The following HYDIN variants were observed in gnomAD, a reference collection of about 807,000 sequenced individuals.
HYDIN encodes axonemal central pair apparatus protein HYDIN.
In HYDIN, 132 loss-of-function variants were observed where a neutral mutation model predicts 403.9. The ratio of observed to expected loss-of-function variants is 0.33; its 90% CI spans 0.28 to 0.38. The LOEUF is 0.38. Among genes scored for constraint, HYDIN ranks in the 10% least tolerant of loss-of-function variants. The pLI is 1.00. For missense variants in HYDIN, 2,827 were observed against 5,009.5 expected (o/e 0.56, Z 13.15); for synonymous variants, 1,202 against 1,891.7 (o/e 0.64, Z 9.46).
chr16:70,949,255 C>G (rs1246599563), intron 41 of HYDIN, among the ~76,000 whole-genome samples: 3 of 133,066 alleles, frequency 2.3e-5, no homozygotes, highest in Non-Finnish European at 3.0e-5. Flanking sequence ...GGGAATTGAA[C>G]AATGAAAACA....
At chr16:70,957,383 A>G (rs2078277765) in intron 39 of HYDIN, among the ~76,000 whole-genome samples, 2 of 150,378 alleles carry the variant, frequency 1.3e-5, no homozygotes, top group Admixed American at 6.6e-5. Context: ...CTGGAGTGCA[A>G]TGGCACGATC....
At chr16:71,090,726 A>T (rs1199511053) in intron 11 of HYDIN, among the ~76,000 whole-genome samples, 1 of 151,594 alleles carries the variant, frequency 6.6e-6, no homozygotes, top group Non-Finnish European at 1.5e-5. Flanking sequence ...GCTGGTCTTG[A>T]ACTCCTGGGC....
intron 10 of HYDIN, among the ~76,000 whole-genome samples, chr16:71,106,268 C>T (rs1401448858): frequency 6.6e-6 from 1 of 151,950 alleles, no homozygotes; most frequent in Non-Finnish European, 1.5e-5. Flanking sequence ...TCACATAATG[C>T]TTCTTCATGT....
At chr16:70,948,357 GA>G (rs992460583) in intron 41 of HYDIN, among the ~76,000 whole-genome samples, 4 of 151,964 alleles carry the variant, frequency 2.6e-5, no homozygotes, top group African/African-American at 9.7e-5. Flanking sequence ...AACAACCCTA[GA>G]AAAAAACCTA....
intron 72 of HYDIN, 131 bp downstream of exon 72, chr16:70,857,574 T>G: frequency 4.1e-6 from 5 of 1,233,158 alleles, no homozygotes; most frequent in Non-Finnish European, 4.4e-6. Flanking sequence ...TTTTAAAAAC[T>G]GATTGAGACC....
chr16:71,218,693 C>G (rs959502147), intron 1 of HYDIN, among the ~76,000 whole-genome samples: 10 of 152,176 alleles, frequency 6.6e-5, no homozygotes, highest in Admixed American at 2.0e-4. Flanking sequence ...GACAACCCAC[C>G]ATTTTTTACA....
intron 67 of HYDIN, 135 bp from the exon 68 acceptor site, chr16:70,863,317 T>C: frequency 1.3e-6 from 1 of 752,790 alleles, no homozygotes; most frequent in Non-Finnish European, 1.9e-6. Flanking sequence ...AAAAGGCACA[T>C]TTTAAGTAAT....
chr16:70,883,091 A>T (rs1597214301), intron 59 of HYDIN, among the ~76,000 whole-genome samples, 196 bp from the exon 60 acceptor site: 1 of 152,088 alleles, frequency 6.6e-6, no homozygotes, highest in East Asian at 1.9e-4. Flanking sequence ...TGGTTGCCAC[A>T]CTCCAGTGAG....
chr16:71,206,620 C>A (rs1377572974), intron 1 of HYDIN, among the ~76,000 whole-genome samples: 1 of 152,096 alleles, frequency 6.6e-6, no homozygotes, highest in Non-Finnish European at 1.5e-5. Context: ...TGGATAGAAA[C>A]TAAGATCATC....
chr16:70,947,854 T>C lies in HYDIN; in HGVS notation c.6532-3905A>G, dbSNP rs1026580671. 4.0e-4 allele frequency among the ~76,000 whole-genome samples: 60 copies of C among 150,978 alleles called. 1 individual carries two copies. The highest frequency in any genetic ancestry group is 1.3e-3 in the African/African-American group (55 of 41,200). ...ATTCCATGCTCATGGGTAGGAAGAA[T>C]CAATATCGTGAAAATGGCCATACTG... On this transcript the variant is annotated intron_variant, in intron 41 of 85. Coordinates refer to ENST00000393567, the MANE Select transcript of HYDIN (RefSeq NM_001270974.2).
chr16:70,945,454 T>C (rs76906484), intron 41 of HYDIN, among the ~76,000 whole-genome samples: 181 of 152,308 alleles, frequency 1.2e-3, no homozygotes, highest in Non-Finnish European at 2.2e-3. Context: ...TACATGAACC[T>C]GCACTCGGGA....
At chr16:71,028,774 T>C (rs926089795) in intron 19 of HYDIN, among the ~76,000 whole-genome samples, 2 of 152,228 alleles carry the variant, frequency 1.3e-5, no homozygotes, top group Non-Finnish European at 2.9e-5. Flanking sequence ...TAACCATTTC[T>C]AGCTACATAT....
chr16:70,849,992 T>C, intron 74 of HYDIN, 45 bp from the exon 75 acceptor site: 1 of 592,362 alleles, frequency 1.7e-6, no homozygotes, highest in Non-Finnish European at 3.0e-6. Context: ...CATAGTTCCC[T>C]TGTCTGGGGT....
intron 83 of HYDIN, 37 bp from the exon 84 acceptor site, chr16:70,818,609 A>G (rs1309778065): frequency 4.2e-6 from 3 of 719,084 alleles, no homozygotes; most frequent in Admixed American, 2.1e-5. Context: ...AGGAGGGAAG[A>G]GTAGGGGTGA....
chr16:70,868,944 G>A (rs2039942620), intron 65 of HYDIN, among the ~76,000 whole-genome samples, 156 bp from the exon 66 acceptor site: 1 of 132,740 alleles, frequency 7.5e-6, no homozygotes, highest in South Asian at 2.9e-4. Context: ...ATGTACATGA[G>A]GATCTTAGGT....
chr16:71,175,049 C>T (rs1838609119), intron 5 of HYDIN, among the ~76,000 whole-genome samples: 1 of 147,954 alleles, frequency 6.8e-6, no homozygotes, highest in South Asian at 2.2e-4. Context: ...CCATCAATGA[C>T]AGCACCACCA....
intron 10 of HYDIN, among the ~76,000 whole-genome samples, chr16:71,099,900 G>T (rs547856238): frequency 6.6e-6 from 1 of 152,264 alleles, no homozygotes; most frequent in South Asian, 2.1e-4. Context: ...CTATTTGGGA[G>T]GCTGAGGCAA....
intron 41 of HYDIN, among the ~76,000 whole-genome samples, chr16:70,944,842 T>C (rs1330928697): frequency 6.6e-6 from 1 of 152,208 alleles, no homozygotes; most frequent in African/African-American, 2.4e-5. Flanking sequence ...AACCTCCGCC[T>C]CTCGGGTTTA....
intron 27 of HYDIN, among the ~76,000 whole-genome samples, chr16:70,986,197 T>C (rs1471238276): frequency 1.4e-5 from 2 of 141,402 alleles, no homozygotes; most frequent in African/African-American, 5.3e-5. Flanking sequence ...GTTTAGAATG[T>C]TCTAGAATGA....
Sources: allele counts gnomAD v4.1 joint callset (sites outside exome capture counted in the v4.1 genomes callset), GRCh38; gene constraint gnomAD v4.1.1; transcripts MANE v1.5; gene names NCBI Gene and HGNC (gene_info 2026-07-23, HGNC 2026-07-21).